The following PCDHGB3 variants were observed in gnomAD, a reference collection of about 807,000 sequenced individuals.
The protein encoded by PCDHGB3 is protocadherin gamma-B3.
Under a neutral mutation model 59.2 loss-of-function variants are expected in PCDHGB3, and 40 were observed. That is an observed-to-expected ratio of 0.68 (90% CI 0.52 to 0.88). The LOEUF is 0.88. Among genes scored for constraint, PCDHGB3 ranks in the 40% least tolerant of loss-of-function variants. The pLI, the probability that PCDHGB3 is intolerant of heterozygous loss-of-function variation, is 0.00. For synonymous variants in PCDHGB3, 581 were observed against 503.6 expected, an observed-to-expected ratio of 1.15 and a Z score of -2.06; for missense variants, 1,309 against 1,187.9, an observed-to-expected ratio of 1.10 and a Z score of -1.50.
intron 1 of PCDHGB3, chr5:141,409,191 A>G: frequency 1.2e-6 from 2 of 1,613,970 alleles, no homozygotes; most frequent in African/African-American, 2.7e-5. Flanking sequence ...CTCTCTACCC[A>G]GTGTAAAGTA....
rs1279890312 is a variant in PCDHGB3, at chr5:141,432,403, G to C, written c.2415+59594G>C. On this transcript the variant is annotated intron_variant, in intron 1 of 3. Transcript: ENST00000576222. This position sits in a 1 kb window ranked among gnomAD's most constrained non-coding sequence, Gnocchi z 6.0. ...CGCCCCTCAGCAGCAACGTGTCGTT[G>C]AGCCTGTTCGTGCTGGACCAGAACG... 1.9e-6 allele frequency: 3 copies of C among 1,614,242 alleles called. No homozygotes were observed. Among genetic ancestry groups the C allele is most frequent in the Non-Finnish European group, 8.5e-7 (1 of 1,180,052 alleles).
At chr5:141,422,725 G>C (rs1424048338) in intron 1 of PCDHGB3, 1 of 1,606,156 alleles carries the variant, frequency 6.2e-7, no homozygotes, top group African/African-American at 1.3e-5. Flanking sequence ...TGTCCAGGGG[G>C]TGCCTCTGTC....
At chr5:141,460,872 T>C (rs2098999714) in intron 1 of PCDHGB3, among the ~76,000 whole-genome samples, 1 of 151,064 alleles carries the variant, frequency 6.6e-6, no homozygotes, top group South Asian at 2.1e-4. Flanking sequence ...GCAAAGGACA[T>C]TATTTCATGC....
chr5:141,446,594 A>G (rs571957656), intron 1 of PCDHGB3, among the ~76,000 whole-genome samples: 8 of 152,136 alleles, frequency 5.3e-5, no homozygotes, highest in African/African-American at 1.9e-4. Flanking sequence ...CTTCTGCCTC[A>G]GCCTCCTGAG....
In PCDHGB3 at chr5:141,370,747, A is replaced by T. The variant is rs780618979; in HGVS notation, c.353A>T (p.His118Leu). ...MVAEKPLNFFHVTVLIQDIND... is the reference protein window; with the variant it reads ...MVAEKPLNFFLVTVLIQDIND... The stretch of plus-strand genomic sequence containing the variant: ...GCTGAAAAGCCTTTAAACTTTTTTC[A>T]TGTAACTGTGCTGATCCAGGATATT... Residue 118 changes from histidine (H) to leucine (L), a missense_variant, in exon 1 of 4, where the codon CAT becomes CTT. His to Leu is a moderately conservative substitution (Grantham distance 99, BLOSUM62 -3). Coordinates refer to ENST00000576222, the MANE Select transcript of PCDHGB3 (RefSeq NM_018924.5). The T allele has an allele frequency of 1.2e-6, 2 of 1,613,952 alleles. No individual in the cohort carries two copies. Among genetic ancestry groups the T allele is most frequent in the Non-Finnish European group, 1.7e-6 (2 of 1,179,894 alleles).
intron 1 of PCDHGB3, chr5:141,384,968 C>T (rs1345751127): frequency 1.2e-6 from 2 of 1,613,962 alleles, no homozygotes; most frequent in East Asian, 2.2e-5. Context: ...TATGACCTCA[C>T]GTTGTACCTG....
At chr5:141,379,424 G>T (rs1775590923) in intron 1 of PCDHGB3, 1 of 152,218 alleles carries the variant, frequency 6.6e-6, no homozygotes, top group East Asian at 1.9e-4. Flanking sequence ...TCATGAGTTA[G>T]ATGGGCTGTT....
Position 141,485,011 on chromosome 5 carries a change from C to G in PCDHGB3, c.2416-9796C>G, listed in dbSNP as rs2099605048. 3.2e-6 allele frequency: 2 copies of G among 631,064 alleles called. No homozygotes were observed. The highest frequency in any genetic ancestry group is 5.5e-5 in the East Asian group (2 of 36,662). The allele number at this position is 631,064 out of a possible 1,614,324, so 39.1% of individuals were successfully genotyped here. A position where few individuals can be genotyped will look rare whatever the true frequency, so the allele number is the denominator to read the frequency against. Reference sequence around the variant, plus strand: ...TGGTGAAAGGCAGACAAATCTACCCCGCCACCAGCAAAAACGGCGCGTAAC... The same window carrying G: ...TGGTGAAAGGCAGACAAATCTACCCGGCCACCAGCAAAAACGGCGCGTAAC... On this transcript the variant is annotated intron_variant, in intron 1 of 3. Coordinates refer to ENST00000576222, the MANE Select transcript of PCDHGB3 (RefSeq NM_018924.5). This position sits in a 1 kb window ranked among gnomAD's most constrained non-coding sequence, Gnocchi z 5.7.
Position 141,490,282 on chromosome 5 carries a change from C to T in PCDHGB3, c.2416-4525C>T, listed in dbSNP as rs763429413. 1.2e-6 allele frequency: 2 copies of T among 1,614,194 alleles called. No individual in the cohort carries two copies. The highest frequency in any genetic ancestry group is 1.7e-6 in the Non-Finnish European group (2 of 1,180,036). ...TGTGGGGGATGTCAATGACAATGCC[C>T]CAGAGGTGCTATTGGCCTCTTTGGC... On this transcript the variant is annotated intron_variant, in intron 1 of 3. Transcript: ENST00000576222. This position sits in a 1 kb window ranked among gnomAD's most constrained non-coding sequence, Gnocchi z 5.4.
chr5:141,403,969 T>G (rs1437416293), intron 1 of PCDHGB3: 1 of 1,613,690 alleles, frequency 6.2e-7, no homozygotes, highest in African/African-American at 1.3e-5. Context: ...CGGTGGAAGA[T>G]GTAAATGACA....
At position 141,419,770 on chromosome 5, in the gene PCDHGB3, G is replaced by A. The variant is rs1018272442; in HGVS notation, c.2415+46961G>A. On this transcript the variant is annotated intron_variant, in intron 1 of 3. Coordinates refer to ENST00000576222, the MANE Select transcript of PCDHGB3 (RefSeq NM_018924.5). ...TGCGTGCTTTGGGTGACAAGGACTC[G>A]GTCCGCCAGCGCCTGCTAGTCGCTG... 3.7e-6 allele frequency: 6 copies of A among 1,614,006 alleles called. No individual in the cohort carries two copies. The Admixed American group carries it at 6.7e-5, about 18-fold the overall frequency.
chr5:141,413,651 C>T (rs377135032), intron 1 of PCDHGB3: 16 of 1,613,658 alleles, frequency 9.9e-6, no homozygotes, highest in Non-Finnish European at 8.5e-6. Context: ...TTTCCTCTCC[C>T]GGAAGCTATT....
chr5:141,409,273 G>A, intron 1 of PCDHGB3: 1 of 1,613,958 alleles, frequency 6.2e-7, no homozygotes, highest in South Asian at 1.1e-5. Context: ...ATCAGATTTT[G>A]GAGAATTCAC....
chr5:141,399,497 TACCCGAAAACA>T, intron 1 of PCDHGB3: 2 of 1,614,030 alleles, frequency 1.2e-6, no homozygotes, highest in Non-Finnish European at 1.7e-6. Flanking sequence ...TTAGTCAGTG[TACCCGAAAACA>T]ACCCTCCTGG....
At chr5:141,427,952 T>C (rs1311471634) in intron 1 of PCDHGB3, 38 of 1,587,018 alleles carry the variant, frequency 2.4e-5, no homozygotes, top group Non-Finnish European at 2.8e-5. Flanking sequence ...TCAATGACAA[T>C]GTGCCGCGGG....
At chr5:141,394,224 A>G (rs375614946) in intron 1 of PCDHGB3, 380 of 1,613,788 alleles carry the variant, frequency 2.4e-4, no homozygotes, top group Middle Eastern at 1.3e-3. Context: ...AGGAGCCTCC[A>G]TCTTTTCCTT....
At chr5:141,418,742 G>T (rs1351760637) in intron 1 of PCDHGB3, 6 of 1,613,778 alleles carry the variant, frequency 3.7e-6, no homozygotes, top group South Asian at 1.1e-5. Context: ...GTTCTCTCTG[G>T]ATTACACTAC....
rs1387919696 is a variant in PCDHGB3 at position 141,384,415 on chromosome 5, TCC to T, written c.2415+11607_2415+11608del. On this transcript the variant is annotated intron_variant, in intron 1 of 3. Coordinates refer to ENST00000576222, the MANE Select transcript of PCDHGB3 (RefSeq NM_018924.5). ...GGGGGCTCCAGTGTCCTCCTATGTC[TCC>T]ATAAACTCTGACACTGGAGTCCTGT... is the stretch of plus-strand genomic sequence containing the variant. The T allele has an allele frequency of 2.5e-6, 4 of 1,613,776 alleles. No homozygotes were observed. In the East Asian group the frequency reaches 8.9e-5, roughly 36 times the overall value.
Position 141,423,542 on chromosome 5 carries a change from C to T in PCDHGB3, c.2415+50733C>T, listed in dbSNP as rs755766737. 4.3e-6 allele frequency: 7 copies of T among 1,613,616 alleles called. No individual in the cohort carries two copies. The African/African-American group carries it at 6.7e-5, about 15-fold the overall frequency. The stretch of plus-strand genomic sequence containing the variant: ...TCGCAGAAGAGTCACCTGATTTTCC[C>T]CCAGCCCAACTATGGGGACACGCTC... On this transcript the variant is annotated intron_variant, in intron 1 of 3. Transcript: ENST00000576222.
Sources: gnomAD v4.1 joint callset for allele counts (sites outside exome capture counted in the v4.1 genomes callset) on GRCh38, gnomAD v4.1.1 for gene constraint, Gnocchi (gnomAD v3.1) non-coding constraint, MANE v1.5 for transcripts, NCBI Gene and HGNC (gene_info 2026-07-23, HGNC 2026-07-21) for gene names.